Variants in NTM observed in about 807,000 individuals in gnomAD.
The protein encoded by NTM is IgLON family member 2.
Under a neutral mutation model 42.1 loss-of-function variants are expected in NTM, and 13 were observed. The ratio of observed to expected loss-of-function variants is 0.31; its 90% CI spans 0.20 to 0.49. The LOEUF (loss-of-function observed/expected upper bound fraction) is 0.49. NTM is among the 20% of genes least tolerant of loss of function. The pLI is 0.99. For missense variants in NTM, 373 were observed against 452.8 expected (o/e 0.82, Z 1.60); for synonymous variants, 187 against 179.2 (o/e 1.04, Z -0.35).
chr11:132,044,058 A>G (rs543521665), intron 2 of NTM, among the ~76,000 whole-genome samples: 224 of 130,304 alleles, frequency 1.7e-3, no homozygotes, highest in Admixed American at 3.0e-3. Flanking sequence ...GTATGTGTGT[A>G]TGTGTGTGTA....
chr11:132,055,792 T>C lies in NTM; in HGVS notation c.168-90490T>C, dbSNP rs559999968. Among the ~76,000 whole-genome samples, 43 of 152,226 alleles carry C rather than the reference T, an allele frequency of 2.8e-4. No homozygotes were observed. The South Asian group carries it at 8.9e-3, about 32-fold the overall frequency. Reference sequence around the variant, plus strand: ...GTTTGAATCCCGTCTCTTTCAGGAATTGGGTGGCCTTGGGCCCTGTGCCTC... The same window carrying C: ...GTTTGAATCCCGTCTCTTTCAGGAACTGGGTGGCCTTGGGCCCTGTGCCTC... On this transcript the variant is annotated intron_variant, in intron 2 of 8. Transcript: ENST00000683400.
At chr11:131,996,620 A>G (rs1368216614) in intron 2 of NTM, among the ~76,000 whole-genome samples, 1 of 152,148 alleles carries the variant, frequency 6.6e-6, no homozygotes, top group East Asian at 1.9e-4. Context: ...AGTGGCTCAG[A>G]AAGATTAAGG....
intron 2 of NTM, among the ~76,000 whole-genome samples, chr11:131,941,121 A>G (rs538415372): frequency 7.2e-5 from 11 of 152,348 alleles, no homozygotes; most frequent in African/African-American, 2.4e-4. Flanking sequence ...TCACACATCT[A>G]ATTTATATCT....
At chr11:131,679,121 C>T (rs1458514178) in intron 1 of NTM, among the ~76,000 whole-genome samples, 1 of 152,130 alleles carries the variant, frequency 6.6e-6, no homozygotes, top group African/African-American at 2.4e-5. Flanking sequence ...TCTAGGCCAC[C>T]GTCGTTTGCT....
At chr11:131,872,975 T>C (rs142631576) in intron 1 of NTM, among the ~76,000 whole-genome samples, 2 of 152,152 alleles carry the variant, frequency 1.3e-5, no homozygotes, top group Admixed American at 1.3e-4. Flanking sequence ...TGTAAAAACG[T>C]TCCTATTTCT....
intron 1 of NTM, among the ~76,000 whole-genome samples, chr11:131,483,221 T>C (rs150448453): frequency 3.9e-4 from 60 of 152,296 alleles, no homozygotes; most frequent in Admixed American, 1.4e-3. Flanking sequence ...TTCACCTTAG[T>C]ATTGGAAATA....
chr11:131,688,234 C>T (rs562078920), intron 1 of NTM, among the ~76,000 whole-genome samples: 44 of 152,084 alleles, frequency 2.9e-4, no homozygotes, highest in Non-Finnish European at 4.7e-4. Context: ...GCTCCCGGGG[C>T]GGGGGAGGGC....
At chr11:131,427,780 G>T (rs1408413891) in intron 1 of NTM, among the ~76,000 whole-genome samples, 1 of 152,186 alleles carries the variant, frequency 6.6e-6, no homozygotes, top group African/African-American at 2.4e-5. Context: ...CAACACAGTT[G>T]CTTTGAAGGG....
intron 2 of NTM, among the ~76,000 whole-genome samples, chr11:132,054,043 T>C (rs1020173173): frequency 6.6e-6 from 1 of 152,126 alleles, no homozygotes; most frequent in African/African-American, 2.4e-5. Context: ...TGGTGAAATC[T>C]CATCTATACT....
intron 1 of NTM, among the ~76,000 whole-genome samples, chr11:131,506,893 G>A (rs187990867): frequency 4.6e-5 from 7 of 152,282 alleles, no homozygotes; most frequent in Admixed American, 1.3e-4. Context: ...TAGATATTAA[G>A]GAAAAGGAAA....
intron 4 of NTM, among the ~76,000 whole-genome samples, chr11:132,254,487 C>G (rs914725875): frequency 6.6e-6 from 1 of 152,064 alleles, no homozygotes; most frequent in Non-Finnish European, 1.5e-5. Context: ...TCCTCAGCTG[C>G]TCAGTCCTCC....
chr11:131,887,872 T>A (rs2050651620), intron 1 of NTM, among the ~76,000 whole-genome samples: 1 of 152,134 alleles, frequency 6.6e-6, no homozygotes, highest in Non-Finnish European at 1.5e-5. Flanking sequence ...ATGAAGAAGG[T>A]ACTATTATTG....
chr11:131,947,249 A>G (rs1210619602), intron 2 of NTM, among the ~76,000 whole-genome samples: 2 of 152,170 alleles, frequency 1.3e-5, no homozygotes, highest in South Asian at 2.1e-4. Flanking sequence ...CTTGTTTACC[A>G]TGATGCCTTC....
Position 132,258,813 on chromosome 11 carries a change from A to T in NTM, c.526+46666A>T, listed in dbSNP as rs764084443. On this transcript the variant is annotated intron_variant, in intron 4 of 8. Coordinates refer to ENST00000683400, the MANE Select transcript of NTM (RefSeq NM_001352005.2). ...GACTTTGTCAAAAATTCATAAGCAC[A>T]TTATTGTAGTGATTGAGTATTCACC... Among the ~76,000 whole-genome samples the T allele has an allele frequency of 2.6e-5, 4 of 152,216 alleles. No individual in the cohort carries two copies. The South Asian group carries it at 8.3e-4, about 32-fold the overall frequency.
chr11:131,893,953 T>A (rs1440783302), intron 1 of NTM, among the ~76,000 whole-genome samples: 1 of 152,220 alleles, frequency 6.6e-6, no homozygotes, highest in Admixed American at 6.5e-5. Flanking sequence ...ATCTAGTCCT[T>A]CTACTGTGTA....
chr11:131,859,299 T>C (rs1000068427), intron 1 of NTM, among the ~76,000 whole-genome samples: 1 of 152,182 alleles, frequency 6.6e-6, no homozygotes, highest in Non-Finnish European at 1.5e-5. Context: ...TTTTGAAAAT[T>C]AAGGTTTCAA....
chr11:131,822,764 G>T (rs914283830), intron 1 of NTM, among the ~76,000 whole-genome samples: 1 of 152,162 alleles, frequency 6.6e-6, no homozygotes, highest in Admixed American at 6.5e-5. Context: ...TAGGGCAAAT[G>T]AGAAAGGGGA....
intron 4 of NTM, among the ~76,000 whole-genome samples, chr11:132,219,652 G>T (rs1484072265): frequency 6.6e-6 from 1 of 151,756 alleles, no homozygotes. Flanking sequence ...TCTTCCTCAT[G>T]TGTACTCAAG....
At chr11:132,093,172 G>T (rs1247419326) in intron 2 of NTM, among the ~76,000 whole-genome samples, 1 of 152,056 alleles carries the variant, frequency 6.6e-6, no homozygotes, top group Middle Eastern at 3.4e-3. Flanking sequence ...TTCTACCCTC[G>T]AATCTTCACC....
Sources: allele counts gnomAD v4.1 joint callset (sites outside exome capture counted in the v4.1 genomes callset), GRCh38; gene constraint gnomAD v4.1.1; transcripts MANE v1.5; gene names NCBI Gene and HGNC (gene_info 2026-07-23, HGNC 2026-07-21).